DPP8: variants seen among roughly 807,000 people sequenced by gnomAD.
The protein encoded by DPP8 is DPP VIII.
Under a neutral mutation model 107.5 loss-of-function variants are expected in DPP8, and 31 were observed. The ratio of observed to expected loss-of-function variants is 0.29; its 90% CI spans 0.22 to 0.39. The LOEUF is 0.39. Ranked by LOEUF, DPP8 falls within the 10% of genes least tolerant of loss-of-function variation. The pLI is 1.00. For synonymous variants in DPP8, 381 were observed against 356.6 expected (o/e 1.07, Z -0.77); for missense variants, 842 against 1,076.1 (o/e 0.78, Z 3.04).
intron 15 of DPP8, among the ~76,000 whole-genome samples, chr15:65,457,632 A>C (rs1393575089): frequency 6.6e-6 from 1 of 152,188 alleles, no homozygotes; most frequent in Non-Finnish European, 1.5e-5. Flanking sequence ...TTAGTCTGAC[A>C]TGTTCACTGG....
At chr15:65,475,968 G>C (rs2066350164) in intron 11 of DPP8, among the ~76,000 whole-genome samples, 1 of 152,104 alleles carries the variant, frequency 6.6e-6, no homozygotes, top group Admixed American at 6.6e-5. Context: ...GCCTAGGCTA[G>C]TCTCAACTCC....
In DPP8 at chr15:65,446,949, G is replaced by C. The variant is rs1307655036; in HGVS notation, c.2584C>G (p.Leu862Val). Residue 862 changes from leucine to valine, a missense_variant, in exon 20 of 20, where the codon CTG becomes GTG. Leu to Val is a conservative substitution (Grantham distance 32, BLOSUM62 1). Coordinates refer to ENST00000300141, the MANE Select transcript of DPP8 (RefSeq NM_130434.5). ...RVPESGEHYE[L>V]HLLHYLQENL... ...TCTTGAAGGTAGTGCAAAAGATGCA[G>C]TTCATAATGTTCTCCCGATTCAGGA... 19 of 1,611,772 alleles carry C rather than the reference G, an allele frequency of 1.2e-5. No homozygotes were observed. Among genetic ancestry groups the C allele is most frequent in the Non-Finnish European group, 1.6e-5 (19 of 1,178,724 alleles).
In DPP8 at chr15:65,512,081, C is replaced by T. The variant is rs559809038; in HGVS notation, c.259+214G>A. On this transcript the variant is annotated intron_variant, in intron 2 of 19. Transcript: ENST00000300141. ...TTCTGGCATCTTCGATTTTGAAAAA[C>T]GATCATGATCAATTAATGACTTGTT... is the stretch of plus-strand genomic sequence containing the variant. 1.4e-4 allele frequency: 96 copies of T among 692,578 alleles called. 1 individual carries two copies. The highest frequency in any genetic ancestry group is 1.2e-3 in the African/African-American group (68 of 57,112). 42.9% of individuals were successfully genotyped at this position (692,578 alleles called of 1,614,324 possible). A position where few individuals can be genotyped will look rare whatever the true frequency, so the allele number is the denominator to read the frequency against.
At chr15:65,472,811 AG>A (rs1233736615) in intron 12 of DPP8, among the ~76,000 whole-genome samples, 9 of 152,010 alleles carry the variant, frequency 5.9e-5, no homozygotes. Flanking sequence ...AGGCCGAGAC[AG>A]GTGGATTGCT....
intron 15 of DPP8, 142 bp downstream of exon 15, chr15:65,463,619 T>A: frequency 9.8e-6 from 6 of 609,302 alleles, no homozygotes. Flanking sequence ...CTAAACTGAA[T>A]AATTGGAATA....
intron 19 of DPP8, among the ~76,000 whole-genome samples, chr15:65,449,019 CCAA>C (rs2063767057): frequency 7.1e-6 from 1 of 141,416 alleles, no homozygotes; most frequent in Non-Finnish European, 1.5e-5. Context: ...ACCAGCCTAG[CCAA>C]CATGGTGAAA....
rs912511182 is a variant in DPP8, at chr15:65,480,547, T to G, written c.1119-148A>C. 12 of 529,432 alleles carry G rather than the reference T, an allele frequency of 2.3e-5. No homozygotes were observed. The African/African-American group carries it at 2.3e-4, about 10-fold the overall frequency. 32.8% of individuals were successfully genotyped at this position (529,432 alleles called of 1,614,324 possible). ...TGTATATTAAATTATCACTTACAAA[T>G]AGTTAATTAAAAATACACTTTAAGC... is the stretch of plus-strand genomic sequence containing the variant. On this transcript the variant is annotated intron_variant, in intron 9 of 19. Transcript: ENST00000300141.
At position 65,446,938 on chromosome 15, in the gene DPP8, C is replaced by T. The variant is rs1304906166; in HGVS notation, c.2595G>A (p.Leu865=). 2 of 1,611,650 alleles carry T rather than the reference C, an allele frequency of 1.2e-6. No homozygotes were observed. Among genetic ancestry groups the T allele is most frequent in the Admixed American group, 3.3e-5 (2 of 59,836 alleles). ...ATCCAAGGTTTTCTTGAAGGTAGTGCAAAAGATGCAGTTCATAATGTTCTC... is the reference window on the plus strand; with the variant it reads ...ATCCAAGGTTTTCTTGAAGGTAGTGTAAAAGATGCAGTTCATAATGTTCTC... ...ESGEHYELHL[L]HYLQENLGSR... Residue 865 remains leucine, a synonymous_variant, in exon 20 of 20, where the codon TTG becomes TTA. Transcript: ENST00000300141.
At chr15:65,496,336 A>G (rs1435043204) in intron 5 of DPP8, among the ~76,000 whole-genome samples, 28 of 151,798 alleles carry the variant, frequency 1.8e-4, no homozygotes, top group Non-Finnish European at 4.4e-5. Context: ...TGATTAAGAA[A>G]GATGACAGTA....
intron 12 of DPP8, 70 bp from the exon 13 acceptor site, chr15:65,467,293 T>C (rs2065446276): frequency 1.3e-6 from 2 of 1,502,426 alleles, no homozygotes; most frequent in Admixed American, 1.8e-5. Flanking sequence ...CCAATTTTAT[T>C]TACAATCACT....
intron 15 of DPP8, among the ~76,000 whole-genome samples, chr15:65,458,329 C>T (rs548966505): frequency 6.6e-5 from 10 of 152,256 alleles, no homozygotes; most frequent in South Asian, 2.1e-4. Context: ...GGCGTGATCT[C>T]GGCCCACTGC....
At chr15:65,457,568 A>G (rs539363879) in intron 15 of DPP8, among the ~76,000 whole-genome samples, 1 of 152,020 alleles carries the variant, frequency 6.6e-6, no homozygotes, top group African/African-American at 2.4e-5. Context: ...TCTCACCATC[A>G]TATCTTTTTA....
chr15:65,467,179 G>C lies in DPP8; in HGVS notation c.1581C>G (p.Thr527=). 1 of 1,614,042 alleles carries C rather than the reference G, an allele frequency of 6.2e-7. No homozygotes were observed. The highest frequency in any genetic ancestry group is 1.6e-4 in the Middle Eastern group (1 of 6,062). ...GGTGATGCTCTAAAGGGGAGTCTTTGGTGCCTTCAAAATATACCAGCCTTC... is the reference window on the plus strand; with the variant it reads ...GGTGATGCTCTAAAGGGGAGTCTTTCGTGCCTTCAAAATATACCAGCCTTC... ...EVRRLVYFEG[T]KDSPLEHHLY... Residue 527 remains threonine, a synonymous_variant, in exon 13 of 20, where the codon ACC becomes ACG. Transcript: ENST00000300141.
At chr15:65,505,787 T>C (rs2069893081) in intron 3 of DPP8, among the ~76,000 whole-genome samples, 1 of 151,484 alleles carries the variant, frequency 6.6e-6, no homozygotes, top group African/African-American at 2.4e-5. Context: ...CCGTCTCTAC[T>C]GAAAATACAA....
rs2063515360 is a variant in DPP8, at chr15:65,446,796, G to A, written c.*88C>T. ...TGTTACATGGCAGGTATCAAAATGT[G>A]ATGATCAATTCTGTGTTTTCTGTTG... On this transcript the variant is annotated 3_prime_UTR_variant, in exon 20 of 20. Transcript: ENST00000300141. 3.0e-6 allele frequency: 4 copies of A among 1,330,742 alleles called. No individual in the cohort carries two copies. Among genetic ancestry groups the A allele is most frequent in the Non-Finnish European group, 4.1e-6 (4 of 985,926 alleles). The allele number at this position is 1,330,742 out of a possible 1,614,324, so 82.4% of individuals were successfully genotyped here.
chr15:65,453,784 T>C (rs992288427), intron 17 of DPP8, among the ~76,000 whole-genome samples: 4 of 151,194 alleles, frequency 2.6e-5, no homozygotes, highest in Non-Finnish European at 5.9e-5. Flanking sequence ...ACATGGCTTT[T>C]AAACATACAA....
rs61736633 is a variant in DPP8, at chr15:65,463,788, A to G, written c.1944T>C (p.Thr648=). The G allele has an allele frequency of 1.6e-3, 2,554 of 1,613,300 alleles. 41 individuals carry two copies. The African/African-American group carries it at 0.031, about 20-fold the overall frequency. Reference sequence around the variant, plus strand: ...GAGGACCACCATATATGAACAGCACAGTAGGATATTTCTTTCCAGGCTGTA... The same window carrying G: ...GAGGACCACCATATATGAACAGCACGGTAGGATATTTCTTTCCAGGCTGTA... The part of the protein sequence containing the change: ...HDLQPGKKYP[T]VLFIYGGPQV... The change falls in exon 15 of 20, where the codon ACT becomes ACC. Residue 648 remains threonine, a synonymous_variant. Coordinates refer to ENST00000300141, the MANE Select transcript of DPP8 (RefSeq NM_130434.5).
At chr15:65,456,186 T>A (rs1229950165) in intron 16 of DPP8, 39 bp downstream of exon 16, 2 of 1,594,022 alleles carry the variant, frequency 1.3e-6, no homozygotes, top group Admixed American at 3.7e-5. Flanking sequence ...CCAGAAAATG[T>A]AAATGTCTGT....
chr15:65,480,289 A>G lies in DPP8; in HGVS notation c.1229T>C (p.Ile410Thr). ...CGTCACAGAATCAGGCACTGACTCA[A>G]TGAGTCTCTGCCTTTCCATAACATC... Reference protein sequence around the residue: ...EDDVMERQRLIESVPDSVTPL... With the variant: ...EDDVMERQRLTESVPDSVTPL... Residue 410 changes from isoleucine (I) to threonine (T), a missense_variant, in exon 10 of 20, where the codon ATT becomes ACT. By Grantham distance (89) the Ile-to-Thr change is moderately conservative (BLOSUM62 -1). Coordinates refer to ENST00000300141, the MANE Select transcript of DPP8 (RefSeq NM_130434.5). 2 of 1,613,812 alleles carry G rather than the reference A, an allele frequency of 1.2e-6. No homozygotes were observed. The highest frequency in any genetic ancestry group is 2.7e-5 in the African/African-American group (2 of 75,044).
Sources: allele counts gnomAD v4.1 joint callset (sites outside exome capture counted in the v4.1 genomes callset), GRCh38; gene constraint gnomAD v4.1.1; transcripts MANE v1.5; gene names NCBI Gene and HGNC (gene_info 2026-07-23, HGNC 2026-07-21).